Variants in GLT1D1 observed in about 807,000 individuals in gnomAD.
GLT1D1 encodes glycosyltransferase 1 domain containing 1.
A neutral mutation model predicts 28.7 loss-of-function variants in GLT1D1; 21 were observed. The ratio of observed to expected loss-of-function variants is 0.73; its 90% CI spans 0.52 to 1.05. The LOEUF (loss-of-function observed/expected upper bound fraction) is 1.05, where lower values mean the gene tolerates loss of function less well. Ranked by LOEUF, GLT1D1 falls within the 50% of genes least tolerant of loss-of-function variation. The probability of loss-of-function intolerance (pLI) is 0.00; values close to 1 mark genes in which losing one functional copy is unlikely to be tolerated. For missense variants in GLT1D1, 343 were observed against 330.6 expected (o/e 1.04, Z -0.29); for synonymous variants, 147 against 124.8 (o/e 1.18, Z -1.19).
intron 6 of GLT1D1, among the ~76,000 whole-genome samples, chr12:128,950,809 C>T (rs1876618394): frequency 6.6e-6 from 1 of 152,156 alleles, no homozygotes; most frequent in African/African-American, 2.4e-5. Context: ...TTGGAGAGCT[C>T]ATCTGGGGTA....
chr12:128,908,337 T>C (rs1414823726), intron 4 of GLT1D1, among the ~76,000 whole-genome samples: 11 of 144,500 alleles, frequency 7.6e-5, no homozygotes, highest in African/African-American at 2.9e-4. Flanking sequence ...TTTCTTTCTT[T>C]CTTTCTTTCC....
At chr12:128,954,434 A>G (rs992058950) in intron 6 of GLT1D1, among the ~76,000 whole-genome samples, 4 of 151,986 alleles carry the variant, frequency 2.6e-5, no homozygotes, top group African/African-American at 9.7e-5. Flanking sequence ...CCAGGCTAAT[A>G]TAGCTTTAAT....
At chr12:128,920,273 G>A (rs1450034571) in intron 4 of GLT1D1, among the ~76,000 whole-genome samples, 2 of 152,126 alleles carry the variant, frequency 1.3e-5, no homozygotes, top group African/African-American at 4.8e-5. Flanking sequence ...GTGTCCTGGC[G>A]CAGTGGCTCA....
chr12:128,935,826 T>G (rs1874496470), intron 4 of GLT1D1, among the ~76,000 whole-genome samples: 1 of 152,138 alleles, frequency 6.6e-6, no homozygotes, highest in African/African-American at 2.4e-5. Context: ...TAGCAAGAAC[T>G]TTTTAAAAAG....
chr12:128,977,438 CAT>C (rs1386273466), intron 7 of GLT1D1, among the ~76,000 whole-genome samples: 1 of 152,116 alleles, frequency 6.6e-6, no homozygotes, highest in Non-Finnish European at 1.5e-5. Flanking sequence ...CTGGTCTGCA[CAT>C]GTGTTTTGTT....
At chr12:128,868,158 C>T (rs568380568) in intron 1 of GLT1D1, among the ~76,000 whole-genome samples, 1 of 152,362 alleles carries the variant, frequency 6.6e-6, no homozygotes, top group Admixed American at 6.5e-5. Context: ...TTATCTCCGT[C>T]TCCTGCATCT....
At chr12:128,895,047 C>T (rs183043560) in intron 3 of GLT1D1, among the ~76,000 whole-genome samples, 2 of 152,104 alleles carry the variant, frequency 1.3e-5, no homozygotes, top group Admixed American at 1.3e-4. Context: ...CATCATTCAT[C>T]GTTTTCTGAG....
intron 4 of GLT1D1, among the ~76,000 whole-genome samples, chr12:128,904,135 T>C (rs1435854634): frequency 2.6e-5 from 4 of 151,756 alleles, no homozygotes. Context: ...AATTCTTATT[T>C]ACTCTACTTC....
chr12:128,970,877 C>T (rs1020168580), intron 7 of GLT1D1, among the ~76,000 whole-genome samples: 1 of 152,198 alleles, frequency 6.6e-6, no homozygotes, highest in Non-Finnish European at 1.5e-5. Flanking sequence ...AGCAGTCAGG[C>T]ATGTTTACTC....
At chr12:128,880,909 A>G (rs1957015873) in intron 2 of GLT1D1, among the ~76,000 whole-genome samples, 1 of 152,108 alleles carries the variant, frequency 6.6e-6, no homozygotes, top group South Asian at 2.1e-4. Flanking sequence ...TTTACAATTA[A>G]GCTTGCAACT....
At chr12:128,963,459 T>G (rs1417513231) in intron 7 of GLT1D1, among the ~76,000 whole-genome samples, 1 of 151,960 alleles carries the variant, frequency 6.6e-6, no homozygotes, top group Non-Finnish European at 1.5e-5. Context: ...CCATCCTGAG[T>G]GACATGGTGA....
At chr12:128,878,524 G>A (rs1956926813) in intron 2 of GLT1D1, among the ~76,000 whole-genome samples, 3 of 152,172 alleles carry the variant, frequency 2.0e-5, no homozygotes, top group African/African-American at 7.2e-5. Context: ...TAAATGAACT[G>A]TTTTCTGTAT....
At chr12:128,925,787 C>T (rs1397222396) in intron 4 of GLT1D1, among the ~76,000 whole-genome samples, 1 of 152,202 alleles carries the variant, frequency 6.6e-6, no homozygotes, top group Admixed American at 6.5e-5. Flanking sequence ...GTCAGTTCCC[C>T]CGTGCCTCAT....
At chr12:128,976,499 G>C (rs554233527) in intron 7 of GLT1D1, among the ~76,000 whole-genome samples, 1 of 152,192 alleles carries the variant, frequency 6.6e-6, no homozygotes, top group African/African-American at 2.4e-5. Context: ...GGCGGCCTGC[G>C]CCAGCCTTGA....
chr12:128,976,571 G>A (rs1879784114), intron 7 of GLT1D1, among the ~76,000 whole-genome samples: 1 of 152,242 alleles, frequency 6.6e-6, no homozygotes, highest in African/African-American at 2.4e-5. Flanking sequence ...CGGGAGAGGA[G>A]CTTCGGGGCT....
intron 1 of GLT1D1, among the ~76,000 whole-genome samples, chr12:128,862,337 A>C (rs531850936): frequency 6.6e-6 from 1 of 151,110 alleles, no homozygotes; most frequent in Non-Finnish European, 1.5e-5. Flanking sequence ...TCAAAAAAAA[A>C]AAAAAAAAAA....
At position 128,944,340 on chromosome 12, in the gene GLT1D1, A is replaced by G. The variant is rs114706029; in HGVS notation, c.376-986A>G. 1,465 of 781,582 alleles carry G rather than the reference A, an allele frequency of 1.9e-3. 12 individuals carry two copies. In the African/African-American group the frequency reaches 0.021, roughly 11 times the overall value. The allele number at this position is 781,582 out of a possible 1,614,324, so 48.4% of individuals were successfully genotyped here. ...GGAGGAAAGCATATCCACAGGGCCAAATCTTGTTGGTTTCTGTTCTGGAGA... is the reference window on the plus strand; with the variant it reads ...GGAGGAAAGCATATCCACAGGGCCAGATCTTGTTGGTTTCTGTTCTGGAGA... On this transcript the variant is annotated intron_variant, in intron 4 of 7. Transcript: ENST00000281703.
intron 7 of GLT1D1, among the ~76,000 whole-genome samples, chr12:128,975,627 T>C (rs844506): frequency 6.6e-6 from 1 of 152,032 alleles, no homozygotes; most frequent in African/African-American, 2.4e-5. Context: ...ATTTTTGTGT[T>C]TTTTAGTAGA....
intron 4 of GLT1D1, 129 bp from the exon 7 acceptor site, chr12:128,926,230 A>AATAATG (rs1555269776): frequency 1.2e-5 from 3 of 244,830 alleles, no homozygotes; most frequent in African/African-American, 7.1e-5. Context: ...TAATAATAAT[A>AATAATG]ATAATAAGAG....
Sources: gnomAD v4.1 joint callset for allele counts (sites outside exome capture counted in the v4.1 genomes callset) on GRCh38, gnomAD v4.1.1 for gene constraint, MANE v1.5 for transcripts, NCBI Gene and HGNC (gene_info 2026-07-23, HGNC 2026-07-21) for gene names.